The following GABRB1 variants were observed in gnomAD, a reference collection of about 807,000 sequenced individuals.
GABRB1 encodes the protein gamma-aminobutyric acid receptor subunit beta-1.
GABRB1 carries 17 observed loss-of-function variants against 51.6 expected under a neutral mutation model. The ratio of observed to expected loss-of-function variants is 0.33; its 90% CI spans 0.23 to 0.49. GABRB1 has a LOEUF of 0.49. GABRB1 is among the 20% of genes least tolerant of loss of function. GABRB1 has a pLI of 0.99. For missense variants in GABRB1, 410 were observed against 600.6 expected (o/e 0.68, Z 3.32); for synonymous variants, 247 against 218.9 (o/e 1.13, Z -1.14).
intron 3 of GABRB1, among the ~76,000 whole-genome samples, chr4:47,137,572 T>C (rs1438224711): frequency 2.6e-5 from 4 of 152,138 alleles, no homozygotes; most frequent in African/African-American, 9.7e-5. Context: ...ATTTTCTCTT[T>C]AGTTCAAAAT....
At chr4:47,262,927 G>A (rs1438227345) in intron 4 of GABRB1, among the ~76,000 whole-genome samples, 1 of 151,198 alleles carries the variant, frequency 6.6e-6, no homozygotes, top group East Asian at 1.9e-4. Context: ...ATCATTCTCA[G>A]CAAACTATTG....
At chr4:47,032,215 C>T (rs1445763712) in intron 2 of GABRB1, among the ~76,000 whole-genome samples, 2 of 152,018 alleles carry the variant, frequency 1.3e-5, no homozygotes, top group African/African-American at 4.8e-5. Flanking sequence ...GACCTTCTCC[C>T]GGGCCGACAC....
chr4:47,026,515 C>A (rs190695160), intron 1 of GABRB1, among the ~76,000 whole-genome samples: 1 of 151,968 alleles, frequency 6.6e-6, no homozygotes, highest in African/African-American at 2.4e-5. Context: ...TAAATGGCAA[C>A]ACTTTTTAAA....
intron 4 of GABRB1, among the ~76,000 whole-genome samples, chr4:47,255,192 C>A (rs1434475793): frequency 6.6e-6 from 1 of 152,208 alleles, no homozygotes; most frequent in African/African-American, 2.4e-5. Flanking sequence ...GAATGAGTTA[C>A]ATAATCCCTC....
At chr4:47,124,185 C>T (rs1468538177) in intron 3 of GABRB1, among the ~76,000 whole-genome samples, 1 of 151,254 alleles carries the variant, frequency 6.6e-6, no homozygotes, top group Non-Finnish European at 1.5e-5. Flanking sequence ...ATGAGAGAAA[C>T]CTCATGGTCT....
intron 4 of GABRB1, among the ~76,000 whole-genome samples, chr4:47,270,107 C>T (rs111938940): frequency 1.0e-3 from 158 of 152,278 alleles, no homozygotes; most frequent in African/African-American, 3.5e-3. Flanking sequence ...TAGACTATTT[C>T]TATCTTCCAA....
At chr4:47,293,440 T>G (rs1359421733) in intron 4 of GABRB1, among the ~76,000 whole-genome samples, 1 of 152,164 alleles carries the variant, frequency 6.6e-6, no homozygotes, top group African/African-American at 2.4e-5. Context: ...TGCCTGGCCC[T>G]AAGCACATTT....
chr4:47,264,116 T>G (rs1722557331), intron 4 of GABRB1, among the ~76,000 whole-genome samples: 1 of 152,108 alleles, frequency 6.6e-6, no homozygotes. Context: ...CGCTCCAGCC[T>G]GGGCAAAAGT....
chr4:47,012,595 A>G (rs1236810174), intron 1 of GABRB1, among the ~76,000 whole-genome samples: 1 of 152,216 alleles, frequency 6.6e-6, no homozygotes, highest in African/African-American at 2.4e-5. Flanking sequence ...AGCCTCTATA[A>G]CAAAAACAAT....
intron 4 of GABRB1, among the ~76,000 whole-genome samples, chr4:47,163,784 A>C (rs1718060631): frequency 6.6e-6 from 1 of 151,986 alleles, no homozygotes; most frequent in East Asian, 1.9e-4. Flanking sequence ...TCAGTAAGCC[A>C]TTTCACCTCC....
rs185187556 is a variant in GABRB1 at position 47,378,479 on chromosome 4, A to G, written c.545-24839A>G. 3.6e-3 allele frequency among the ~76,000 whole-genome samples: 544 copies of G among 152,272 alleles called. 9 individuals carry two copies. The highest frequency in any genetic ancestry group is 0.012 in the African/African-American group (500 of 41,566). ...AGCTGAGAGAGCCGGCTCCAGCCTC[A>G]GCCAGCCCAGGAAGGGGCTCCCACA... is the stretch of plus-strand genomic sequence containing the variant. On this transcript the variant is annotated intron_variant, in intron 5 of 8. Coordinates refer to ENST00000295454, the MANE Select transcript of GABRB1 (RefSeq NM_000812.4).
chr4:47,142,158 G>A (rs1385063167), intron 3 of GABRB1, among the ~76,000 whole-genome samples: 1 of 151,836 alleles, frequency 6.6e-6, no homozygotes, highest in African/African-American at 2.4e-5. Context: ...CTTGCATTGT[G>A]GGATGAAGGA....
chr4:47,151,280 C>T (rs1717437650), intron 3 of GABRB1, among the ~76,000 whole-genome samples: 1 of 151,966 alleles, frequency 6.6e-6, no homozygotes, highest in Admixed American at 6.6e-5. Flanking sequence ...CCTAAAACCT[C>T]TTTCTCCTCC....
chr4:47,081,395 G>C (rs1727835131), intron 3 of GABRB1, among the ~76,000 whole-genome samples: 1 of 152,118 alleles, frequency 6.6e-6, no homozygotes, highest in Non-Finnish European at 1.5e-5. Context: ...TATTAAAGTA[G>C]CTTACATAAA....
At chr4:47,252,179 C>T (rs1236130687) in intron 4 of GABRB1, among the ~76,000 whole-genome samples, 2 of 149,078 alleles carry the variant, frequency 1.3e-5, no homozygotes, top group Non-Finnish European at 3.0e-5. Flanking sequence ...ACCCAGTGAG[C>T]TCCCAAGGCC....
intron 5 of GABRB1, among the ~76,000 whole-genome samples, chr4:47,387,330 T>C (rs1560363498): frequency 6.6e-6 from 1 of 152,188 alleles, no homozygotes; most frequent in East Asian, 1.9e-4. Flanking sequence ...CCTAATTTTT[T>C]TTATGGTGTT....
chr4:47,296,179 G>A (rs1723986102), intron 4 of GABRB1, among the ~76,000 whole-genome samples: 3 of 152,108 alleles, frequency 2.0e-5, no homozygotes, highest in Admixed American at 2.0e-4. Context: ...GACCATCGAG[G>A]CTAGGAAGAA....
intron 1 of GABRB1, among the ~76,000 whole-genome samples, chr4:47,024,940 A>ATATATATATATATATATATATATATATC: frequency 7.4e-6 from 1 of 134,674 alleles, no homozygotes; most frequent in Non-Finnish European, 1.6e-5. Context: ...CATCATATAT[A>ATATATATATATATATATATATATATATC]TATATATATA....
intron 3 of GABRB1, among the ~76,000 whole-genome samples, chr4:47,103,187 T>C (rs1714794541): frequency 6.6e-6 from 1 of 151,954 alleles, no homozygotes; most frequent in South Asian, 2.1e-4. Context: ...AGCAAATATT[T>C]TATATAAAAA....
Sources: allele counts gnomAD v4.1 joint callset (sites outside exome capture counted in the v4.1 genomes callset), GRCh38; gene constraint gnomAD v4.1.1; transcripts MANE v1.5; gene names NCBI Gene and HGNC (gene_info 2026-07-23, HGNC 2026-07-21).